The following RNF130 variants were observed in gnomAD, a reference collection of about 807,000 sequenced individuals.
RNF130 encodes the protein E3 ubiquitin-protein ligase RNF130.
RNF130 carries 21 observed loss-of-function variants against 44.6 expected under a neutral mutation model. The observed-to-expected ratio is 0.47, with a 90% CI of 0.33 to 0.68. The LOEUF is 0.68. RNF130 is among the 30% of genes least tolerant of loss of function. The pLI is 0.02. For missense variants in RNF130, 479 were observed against 560.6 expected, an observed-to-expected ratio of 0.85 and a Z score of 1.47; for synonymous variants, 214 against 210.4, an observed-to-expected ratio of 1.02 and a Z score of -0.15.
chr5:179,925,926 A>C (rs1433228060), intron 7 of RNF130, among the ~76,000 whole-genome samples: 1 of 152,226 alleles, frequency 6.6e-6, no homozygotes, highest in Admixed American at 6.5e-5. Flanking sequence ...CATGAGGCAC[A>C]GTAGACATAC....
chr5:180,035,739 C>T (rs1160789982), intron 2 of RNF130, among the ~76,000 whole-genome samples: 6 of 152,162 alleles, frequency 3.9e-5, no homozygotes, highest in Non-Finnish European at 7.3e-5. Flanking sequence ...TGTTCATTTT[C>T]CTTCAATTGA....
At chr5:180,062,055 CTT>C (rs901554822) in intron 1 of RNF130, among the ~76,000 whole-genome samples, 26 of 134,866 alleles carry the variant, frequency 1.9e-4, no homozygotes, top group Admixed American at 4.5e-4. Context: ...CCCCCAGCCT[CTT>C]TTTTTTTTTT....
chr5:179,971,713 T>C (rs1762590588), intron 5 of RNF130, among the ~76,000 whole-genome samples: 1 of 152,216 alleles, frequency 6.6e-6, no homozygotes, highest in Non-Finnish European at 1.5e-5. Context: ...TGAATCATGG[T>C]ATATACCTTT....
chr5:179,922,310 TTTC>T (rs1257679586), intron 7 of RNF130, among the ~76,000 whole-genome samples: 3 of 152,024 alleles, frequency 2.0e-5, no homozygotes, highest in Non-Finnish European at 2.9e-5. Flanking sequence ...TTAAAAAAAA[TTTC>T]TTTTTTTAAT....
intron 8 of RNF130, among the ~76,000 whole-genome samples, chr5:179,958,157 G>A (rs1196140394): frequency 1.3e-5 from 2 of 152,192 alleles, no homozygotes; most frequent in African/African-American, 2.4e-5. Flanking sequence ...GATTATAGGC[G>A]TGAGCCACCG....
intron 3 of RNF130, among the ~76,000 whole-genome samples, chr5:179,983,243 T>G (rs1762879111): frequency 6.6e-6 from 1 of 152,120 alleles, no homozygotes; most frequent in Admixed American, 6.5e-5. Context: ...TACAAAGACT[T>G]CCCCGTTTTC....
chr5:180,025,648 T>A (rs1290888443), intron 2 of RNF130, among the ~76,000 whole-genome samples: 1 of 152,226 alleles, frequency 6.6e-6, no homozygotes, highest in Non-Finnish European at 1.5e-5. Flanking sequence ...TTTAAAAAAA[T>A]GTATGAACCA....
chr5:179,975,180 C>CA (rs1762689571), intron 5 of RNF130, among the ~76,000 whole-genome samples: 1 of 152,250 alleles, frequency 6.6e-6, no homozygotes. Flanking sequence ...GCTTCAAAGA[C>CA]AATAGGGGCG....
intron 5 of RNF130, among the ~76,000 whole-genome samples, chr5:179,973,679 T>C (rs1469766565): frequency 1.3e-5 from 2 of 151,932 alleles, no homozygotes; most frequent in Admixed American, 6.6e-5. Context: ...TGGAAGGTGC[T>C]CCATGGACAC....
intron 3 of RNF130, among the ~76,000 whole-genome samples, chr5:179,984,791 T>A (rs1177203771): frequency 6.6e-6 from 1 of 152,160 alleles, no homozygotes; most frequent in African/African-American, 2.4e-5. Flanking sequence ...CCATATAAGT[T>A]AAGCATTTGA....
chr5:179,997,071 G>C (rs1295892777), intron 3 of RNF130, among the ~76,000 whole-genome samples: 3 of 152,104 alleles, frequency 2.0e-5, no homozygotes, highest in Non-Finnish European at 2.9e-5. Flanking sequence ...AAATTTACTA[G>C]TGGTTGTCAA....
At chr5:179,950,398 T>TGAGCC (rs1762108521), downstream of RNF130, among the ~76,000 whole-genome samples, 1 of 152,184 alleles carries the variant, frequency 6.6e-6, no homozygotes, top group South Asian at 2.1e-4. Flanking sequence ...ATTACAGGTG[T>TGAGCC]GAGCCACCCC....
At chr5:179,950,113 A>G (rs78300177), downstream of RNF130, among the ~76,000 whole-genome samples, 2 of 152,004 alleles carry the variant, frequency 1.3e-5, no homozygotes, top group Admixed American at 1.3e-4. Flanking sequence ...TGCTTATTAA[A>G]TAACTTTTTT....
intron 3 of RNF130, among the ~76,000 whole-genome samples, chr5:180,007,094 C>A (rs900145610): frequency 6.6e-6 from 1 of 152,140 alleles, no homozygotes; most frequent in African/African-American, 2.4e-5. Flanking sequence ...ACAGGAAGAA[C>A]TGCTTCATGA....
chr5:180,048,274 C>T (rs1001418244), intron 1 of RNF130, among the ~76,000 whole-genome samples: 14 of 152,034 alleles, frequency 9.2e-5, no homozygotes, highest in East Asian at 3.9e-4. Flanking sequence ...GGAAGGGGCA[C>T]GGAAGGGAGT....
chr5:180,058,703 A>C (rs562783222), intron 1 of RNF130, among the ~76,000 whole-genome samples: 6 of 152,082 alleles, frequency 3.9e-5, no homozygotes, highest in African/African-American at 1.4e-4. Flanking sequence ...CTACAGGTGC[A>C]CACCACCACG....
At chr5:179,976,047 A>G (rs755709024) in intron 5 of RNF130, among the ~76,000 whole-genome samples, 8 of 152,158 alleles carry the variant, frequency 5.3e-5, no homozygotes, top group Non-Finnish European at 1.2e-4. Flanking sequence ...AGAGGGCCAG[A>G]CGTCAGGCTC....
At chr5:179,982,328 C>G (rs560991544) in intron 3 of RNF130, among the ~76,000 whole-genome samples, 2 of 151,704 alleles carry the variant, frequency 1.3e-5, no homozygotes, top group East Asian at 3.9e-4. Flanking sequence ...CAGTTTTTGG[C>G]TGTACTGAAA....
chr5:179,933,602 C>T (rs1761843667), intron 7 of RNF130, among the ~76,000 whole-genome samples: 1 of 150,854 alleles, frequency 6.6e-6, no homozygotes, highest in Admixed American at 6.6e-5. Context: ...GCTCACTGCA[C>T]TCTTGACTTC....
Sources: allele counts gnomAD v4.1 joint callset (sites outside exome capture counted in the v4.1 genomes callset), GRCh38; gene constraint gnomAD v4.1.1; transcripts MANE v1.5; gene names NCBI Gene and HGNC (gene_info 2026-07-23, HGNC 2026-07-21).